The following CD6 variants were observed in gnomAD, a reference collection of about 807,000 sequenced individuals.
CD6 encodes T-cell differentiation antigen CD6.
Under a neutral mutation model 75.3 loss-of-function variants are expected in CD6, and 53 were observed. That is an observed-to-expected ratio of 0.70 (90% CI 0.56 to 0.88). The LOEUF (loss-of-function observed/expected upper bound fraction) is 0.88. Among genes scored for constraint, CD6 ranks in the 40% least tolerant of loss-of-function variants. CD6 has a pLI of 0.00. For synonymous variants in CD6, 359 were observed against 381.5 expected (o/e 0.94, Z 0.69); for missense variants, 770 against 897.1 (o/e 0.86, Z 1.81).
At chr11:61,008,349 C>T (rs915769370) in intron 3 of CD6, 185 bp from the exon 4 acceptor site, 45 of 608,886 alleles carry the variant, frequency 7.4e-5, no homozygotes, top group Non-Finnish European at 1.1e-5. Flanking sequence ...TGGTCCCTCC[C>T]ACCAGCCTGC....
Position 60,982,721 on chromosome 11 carries a change from A to AC in CD6, c.49+10811dup, listed in dbSNP as rs1294772304. ...TATGACAATGTCTGAGCTGGAAGAA[A>AC]CCCCAGCGAGCTGCCAGCCATCTCC... On this transcript the variant is annotated intron_variant, in intron 1 of 12. Transcript: ENST00000313421. 3 of 455,642 alleles carry AC rather than the reference A, an allele frequency of 6.6e-6. No homozygotes were observed. The Admixed American group carries it at 7.1e-5, about 11-fold the overall frequency. The allele number at this position is 455,642 out of a possible 1,614,324, so 28.2% of individuals were successfully genotyped here.
intron 1 of CD6, among the ~76,000 whole-genome samples, chr11:60,974,961 G>A (rs1857313119): frequency 1.3e-5 from 2 of 152,276 alleles, no homozygotes; most frequent in East Asian, 1.9e-4. Flanking sequence ...GCTGAGCTCC[G>A]TGACTCTAAT....
intron 9 of CD6, among the ~76,000 whole-genome samples, chr11:61,016,463 G>T (rs976621069): frequency 2.0e-5 from 3 of 152,238 alleles, no homozygotes; most frequent in African/African-American, 7.2e-5. Context: ...TATCAGTCAG[G>T]ATGAGAATTT....
At chr11:60,986,152 G>A (rs1035570950) in intron 1 of CD6, among the ~76,000 whole-genome samples, 25 of 152,222 alleles carry the variant, frequency 1.6e-4, no homozygotes, top group Non-Finnish European at 7.3e-5. Context: ...CAGATGTGAT[G>A]TAAACATTAG....
chr11:61,010,987 C>T, intron 5 of CD6, 83 bp from the exon 6 acceptor site: 1 of 1,265,838 alleles, frequency 7.9e-7, no homozygotes, highest in Non-Finnish European at 1.2e-6. Context: ...CTTGTCTGTC[C>T]CATTCAGTTT....
rs1338320956 is a variant in CD6 at position 61,017,916 on chromosome 11, G to C, written c.1740G>C (p.Leu580=). ...ACTGCAATAGTCCCAAAAGCAAGCTGCCTCCATGGAACCCCCAGGTGTTTT... is the reference window on the plus strand; with the variant it reads ...ACTGCAATAGTCCCAAAAGCAAGCTCCCTCCATGGAACCCCCAGGTGTTTT... ...EDYCNSPKSK[L]PPWNPQVFSS... Residue 580 remains leucine, a synonymous_variant, in exon 11 of 13, where the codon CTG becomes CTC. Transcript: ENST00000313421. 4 of 1,613,930 alleles carry C rather than the reference G, an allele frequency of 2.5e-6. No individual in the cohort carries two copies. Among genetic ancestry groups the C allele is most frequent in the Admixed American group, 1.7e-5 (1 of 60,002 alleles).
chr11:61,018,753 G>C (rs1345547189), intron 12 of CD6: 1 of 305,394 alleles, frequency 3.3e-6, no homozygotes, highest in Non-Finnish European at 6.2e-6. Flanking sequence ...AGGAGATCCA[G>C]GCTGCAGTGA....
At chr11:60,993,660 C>G (rs1858155857) in intron 1 of CD6, among the ~76,000 whole-genome samples, 1 of 152,166 alleles carries the variant, frequency 6.6e-6, no homozygotes, top group Admixed American at 6.5e-5. Flanking sequence ...GATCACTGTT[C>G]TATCTGTCCC....
intron 1 of CD6, chr11:60,989,288 G>A (rs544035639): frequency 1.3e-5 from 2 of 152,238 alleles, no homozygotes; most frequent in Non-Finnish European, 2.9e-5. Flanking sequence ...ATGAGGCAAC[G>A]TCTGTAAAGC....
At chr11:61,010,208 A>G (rs1192512798) in intron 5 of CD6, among the ~76,000 whole-genome samples, 4 of 152,214 alleles carry the variant, frequency 2.6e-5, no homozygotes, top group African/African-American at 9.7e-5. Context: ...AGCAGGCCCT[A>G]GTAATAATAT....
chr11:61,012,616 C>T (rs1273386363), intron 6 of CD6, among the ~76,000 whole-genome samples: 1 of 152,218 alleles, frequency 6.6e-6, no homozygotes, highest in Non-Finnish European at 1.5e-5. Context: ...GCTGTCACTA[C>T]TAGTCATCTA....
Position 61,019,326 on chromosome 11 carries a change from C to T in CD6, c.*8C>T. 1 of 1,604,760 alleles carries T rather than the reference C, an allele frequency of 6.2e-7. No homozygotes were observed. The highest frequency in any genetic ancestry group is 8.5e-7 in the Non-Finnish European group (1 of 1,178,886). ...GACATCAGCGCAGCCTAGGCCGGGG[C>T]CAGCCGAGGCTCCTGGGGTGGCTCT... On this transcript the variant is annotated 3_prime_UTR_variant, in exon 13 of 13. Transcript: ENST00000313421.
In CD6 at chr11:60,993,606, C is replaced by T. The variant is rs115022537; in HGVS notation, c.50-12968C>T. ...GATGAAACCTAGCTGGGCTCAGTGA[C>T]TTTCCCTAGGTCACACAGCCAGTAA... On this transcript the variant is annotated intron_variant, in intron 1 of 12. Coordinates refer to ENST00000313421, the MANE Select transcript of CD6 (RefSeq NM_006725.5). 7.6e-3 allele frequency among the ~76,000 whole-genome samples: 1,155 copies of T among 152,256 alleles called. 16 individuals are homozygous for T. The highest frequency in any genetic ancestry group is 0.026 in the African/African-American group (1,100 of 41,540).
chr11:60,971,881 G>A lies in CD6; in HGVS notation c.16G>A (p.Gly6Arg), dbSNP rs371408763. Residue 6 changes from glycine (G) to arginine (R), a missense_variant, in exon 1 of 13, where the codon GGG (glycine) becomes AGG (arginine). Physicochemically the swap from Gly to Arg is moderately radical, Grantham distance 125. Transcript: ENST00000313421. MWLFF[G>R]ITGLLTAALS... ...AGCTCCAGACATGTGGCTCTTCTTCGGGATCACTGGATTGCTGACGGCAGC... is the reference window on the plus strand; with the variant it reads ...AGCTCCAGACATGTGGCTCTTCTTCAGGATCACTGGATTGCTGACGGCAGC... The A allele has an allele frequency of 1.6e-5, 26 of 1,613,840 alleles. No individual in the cohort carries two copies. Among genetic ancestry groups the A allele is most frequent in the Non-Finnish European group, 2.0e-5 (24 of 1,179,968 alleles).
chr11:60,998,241 T>C (rs2135110792), intron 1 of CD6, among the ~76,000 whole-genome samples: 1 of 152,308 alleles, frequency 6.6e-6, no homozygotes, highest in South Asian at 2.1e-4. Context: ...GATGATGATA[T>C]TAATAGTATG....
chr11:60,995,519 C>T (rs1858255581), intron 1 of CD6, among the ~76,000 whole-genome samples: 1 of 152,184 alleles, frequency 6.6e-6, no homozygotes, highest in African/African-American at 2.4e-5. Context: ...TCACCATTAA[C>T]AATACCAAGG....
intron 1 of CD6, among the ~76,000 whole-genome samples, chr11:60,994,139 G>A (rs1034402201): frequency 6.6e-6 from 1 of 152,044 alleles, no homozygotes; most frequent in African/African-American, 2.4e-5. Flanking sequence ...GCAAAAGAAA[G>A]GTAAAAAGGC....
intron 1 of CD6, among the ~76,000 whole-genome samples, chr11:61,000,882 C>T (rs967350483): frequency 1.3e-5 from 2 of 152,164 alleles, no homozygotes; most frequent in African/African-American, 2.4e-5. Context: ...CTGTCCCACT[C>T]GGGGACTTCT....
Position 61,017,902 on chromosome 11 carries a change from C to T in CD6, c.1726C>T (p.Pro576Ser). 1 of 1,614,024 alleles carries T rather than the reference C, an allele frequency of 6.2e-7. No homozygotes were observed. Among genetic ancestry groups the T allele is most frequent in the Non-Finnish European group, 8.5e-7 (1 of 1,180,008 alleles). The change falls in exon 11 of 13, where the codon CCC becomes TCC. Residue 576 changes from proline to serine, a missense_variant. By Grantham distance (74) the Pro-to-Ser change is moderately conservative. Transcript: ENST00000313421. ...TTCAGGGGAGGATTACTGCAATAGT[C>T]CCAAAAGCAAGCTGCCTCCATGGAA... is the stretch of plus-strand genomic sequence containing the variant. ...TSSGEDYCNS[P>S]KSKLPPWNPQ... is the part of the protein sequence containing the mutation.
Sources: allele counts gnomAD v4.1 joint callset (sites outside exome capture counted in the v4.1 genomes callset), GRCh38; gene constraint gnomAD v4.1.1; transcripts MANE v1.5; gene names NCBI Gene and HGNC (gene_info 2026-07-23, HGNC 2026-07-21).